SEC22C: variants seen among roughly 807,000 people sequenced by gnomAD.
SEC22C encodes SEC22 homolog C, vesicle trafficking protein.
SEC22C carries 29 observed loss-of-function variants against 34.7 expected under a neutral mutation model. The observed-to-expected ratio is 0.84, with a 90% CI of 0.62 to 1.14. The LOEUF is 1.14. SEC22C is among the 50% of genes most tolerant of loss of function. SEC22C has a pLI of 0.00. For missense variants in SEC22C, 337 were observed against 369.0 expected (o/e 0.91, Z 0.71); for synonymous variants, 117 against 132.8 (o/e 0.88, Z 0.82).
At chr3:42,599,282 T>C (rs2125745495) in intron 1 of SEC22C, among the ~76,000 whole-genome samples, 1 of 151,190 alleles carries the variant, frequency 6.6e-6, no homozygotes, top group African/African-American at 2.4e-5. Flanking sequence ...GTGTATTTTA[T>C]AGTTTAAAAA....
At chr3:42,579,257 A>G (rs1379956126) in intron 1 of SEC22C, among the ~76,000 whole-genome samples, 1 of 152,110 alleles carries the variant, frequency 6.6e-6, no homozygotes, top group Non-Finnish European at 1.5e-5. Context: ...AGCCTGGGCA[A>G]CAAGAGCAAA....
intron 1 of SEC22C, among the ~76,000 whole-genome samples, chr3:42,573,917 CAG>C (rs1703795706): frequency 6.6e-6 from 1 of 152,088 alleles, no homozygotes; most frequent in African/African-American, 2.4e-5. Context: ...AGAAAGAAGA[CAG>C]GGCTGAAAAA....
chr3:42,591,598 T>A (rs1396698751), intron 1 of SEC22C: 1 of 1,611,538 alleles, frequency 6.2e-7, no homozygotes, highest in Non-Finnish European at 8.5e-7. Flanking sequence ...AACGAGTGCG[T>A]GCAGTAAGTA....
At chr3:42,558,107 A>C (rs1050558502) in intron 4 of SEC22C, among the ~76,000 whole-genome samples, 1 of 152,214 alleles carries the variant, frequency 6.6e-6, no homozygotes, top group Admixed American at 6.5e-5. Context: ...GAATGCTTCT[A>C]AACATCCTAC....
chr3:42,598,326 ATT>A (rs1417431695), intron 1 of SEC22C, among the ~76,000 whole-genome samples: 24 of 140,776 alleles, frequency 1.7e-4, no homozygotes, highest in Non-Finnish European at 1.7e-4. Context: ...AAAAGAACAA[ATT>A]TTTTTTTTTT....
upstream of SEC22C, among the ~76,000 whole-genome samples, chr3:42,585,084 G>A (rs1704568146): frequency 2.0e-5 from 3 of 152,198 alleles, no homozygotes; most frequent in Middle Eastern, 6.8e-3. Flanking sequence ...AGCCGAGATC[G>A]CACCATTGCA....
At chr3:42,563,899 G>A (rs1157715649) in intron 2 of SEC22C, 3 of 1,448,296 alleles carry the variant, frequency 2.1e-6, no homozygotes, top group South Asian at 1.2e-5. Flanking sequence ...CTTAATCAAT[G>A]ACAGCCTGTG....
intron 1 of SEC22C, chr3:42,590,972 C>T: frequency 1.4e-6 from 2 of 1,408,710 alleles, no homozygotes; most frequent in Non-Finnish European, 2.0e-6. Flanking sequence ...AGCGGGTGAG[C>T]ATCCACGCGG....
At chr3:42,594,577 CT>C in intron 1 of SEC22C, 1 of 1,361,550 alleles carries the variant, frequency 7.3e-7, no homozygotes, top group Non-Finnish European at 1.0e-6. Context: ...TAATCCATCT[CT>C]TACAAAATGG....
chr3:42,562,122 C>T (rs1296470992), intron 3 of SEC22C, among the ~76,000 whole-genome samples: 1 of 152,162 alleles, frequency 6.6e-6, no homozygotes, highest in Non-Finnish European at 1.5e-5. Context: ...CACATCTGAA[C>T]AGTTCTTGAA....
chr3:42,591,799 G>A (rs1407697034), intron 1 of SEC22C, among the ~76,000 whole-genome samples: 1 of 152,198 alleles, frequency 6.6e-6, no homozygotes, highest in Non-Finnish European at 1.5e-5. Flanking sequence ...GGAGTCAGAC[G>A]TGGCTCTTTC....
chr3:42,561,075 C>T (rs745457269), intron 4 of SEC22C, 42 bp downstream of exon 4: 13 of 1,582,698 alleles, frequency 8.2e-6, no homozygotes, highest in Non-Finnish European at 1.1e-5. Flanking sequence ...TTGAAATACA[C>T]AATATCACTT....
chr3:42,559,506 C>T (rs1277899467), intron 4 of SEC22C, among the ~76,000 whole-genome samples: 1 of 152,212 alleles, frequency 6.6e-6, no homozygotes, highest in Admixed American at 6.5e-5. Flanking sequence ...TTATTCTCAA[C>T]ATAAACTAGA....
intron 1 of SEC22C, among the ~76,000 whole-genome samples, chr3:42,572,032 CAAAAAT>C (rs1459922011): frequency 6.6e-6 from 1 of 151,836 alleles, no homozygotes; most frequent in Non-Finnish European, 1.5e-5. Context: ...GACCCTGTCT[CAAAAAT>C]AAAAATAAAA....
chr3:42,571,321 C>A (rs1008004792), intron 1 of SEC22C, among the ~76,000 whole-genome samples: 10 of 151,638 alleles, frequency 6.6e-5, no homozygotes, highest in African/African-American at 2.4e-4. Flanking sequence ...TAAATAAATA[C>A]CCCTCTTGTT....
At chr3:42,558,137 C>T (rs906275809) in intron 4 of SEC22C, among the ~76,000 whole-genome samples, 2 of 152,244 alleles carry the variant, frequency 1.3e-5, no homozygotes, top group African/African-American at 4.8e-5. Flanking sequence ...ACAGGACAGC[C>T]TCCAAAATAA....
chr3:42,568,203 T>C (rs1354706023), intron 2 of SEC22C, among the ~76,000 whole-genome samples: 1 of 152,052 alleles, frequency 6.6e-6, no homozygotes, highest in Non-Finnish European at 1.5e-5. Flanking sequence ...ACTCTCATTA[T>C]TTTCCCTCCC....
chr3:42,554,135 T>C (rs1267948940), intron 6 of SEC22C, among the ~76,000 whole-genome samples: 1 of 151,918 alleles, frequency 6.6e-6, no homozygotes, highest in Non-Finnish European at 1.5e-5. Context: ...CATGGATCAA[T>C]CTGACAAAGG....
At chr3:42,573,263 T>G (rs67059259) in intron 1 of SEC22C, 1 of 152,298 alleles carries the variant, frequency 6.6e-6, no homozygotes, top group East Asian at 1.9e-4. Flanking sequence ...CGATGGCTCA[T>G]GCCTGTAATC....
Sources: gnomAD v4.1 joint callset for allele counts (sites outside exome capture counted in the v4.1 genomes callset) on GRCh38, gnomAD v4.1.1 for gene constraint, MANE v1.5 for transcripts, NCBI Gene and HGNC (gene_info 2026-07-23, HGNC 2026-07-21) for gene names.